The following PCDH11X variants were observed in gnomAD, a reference collection of about 807,000 sequenced individuals.
PCDH11X encodes the protein protocadherin-11 X-linked.
PCDH11X carries 18 observed loss-of-function variants against 53.3 expected under a neutral mutation model. That is an observed-to-expected ratio of 0.34 (90% confidence interval 0.23 to 0.50). The LOEUF is 0.50. Ranked by LOEUF, PCDH11X falls within the 20% of genes least tolerant of loss-of-function variation. PCDH11X has a pLI of 0.98. For synonymous variants in PCDH11X, 279 were observed against 393.3 expected (o/e 0.71, Z 3.44); for missense variants, 570 against 1,032.4 (o/e 0.55, Z 6.14).
chrX:92,519,325 A>G (rs2074328034), intron 10 of PCDH11X, among the ~76,000 whole-genome samples: 1 of 107,270 alleles, frequency 9.3e-6, no homozygotes. Context: ...ACTAGCAAAT[A>G]GACTTCTTTA....
intron 10 of PCDH11X, among the ~76,000 whole-genome samples, chrX:92,602,087 A>G (rs1340790470): frequency 8.9e-6 from 1 of 111,943 alleles, no homozygotes; most frequent in Non-Finnish European, 1.9e-5. Flanking sequence ...ATCTAAAAGA[A>G]GCAGGCTACT....
At chrX:92,149,507 G>GTA (rs1453651889) in intron 6 of PCDH11X, among the ~76,000 whole-genome samples, 1 of 102,520 alleles carries the variant, frequency 9.8e-6, no homozygotes, top group Non-Finnish European at 1.9e-5. Flanking sequence ...ATATATGTAT[G>GTA]TATATATATG....
chrX:91,884,004 A>G, intron 6 of PCDH11X: 2 of 491,355 alleles, frequency 4.1e-6, no homozygotes, highest in Non-Finnish European at 5.0e-6. Context: ...AGTCTGGCCA[A>G]CATGGCGAAA....
intron 4 of PCDH11X, among the ~76,000 whole-genome samples, chrX:91,820,369 T>C (rs1241513811): frequency 1.2e-5 from 1 of 85,678 alleles, no homozygotes; most frequent in South Asian, 5.9e-4. Context: ...CCATTCTAAC[T>C]GGTGTGAGAT....
intron 6 of PCDH11X, among the ~76,000 whole-genome samples, chrX:91,979,131 T>C (rs1196061446): frequency 9.0e-6 from 1 of 110,771 alleles, no homozygotes; most frequent in African/African-American, 3.3e-5. Context: ...ATCATGTTAA[T>C]ATGCTTGTAA....
At chrX:92,437,861 T>C (rs1342723004) in intron 9 of PCDH11X, among the ~76,000 whole-genome samples, 2 of 109,490 alleles carry the variant, frequency 1.8e-5, no homozygotes, top group Admixed American at 2.0e-4. Context: ...GCAGAGAAAA[T>C]AATGAAAAAG....
At chrX:91,823,321 A>G (rs1179714968) in intron 4 of PCDH11X, among the ~76,000 whole-genome samples, 2 of 110,375 alleles carry the variant, frequency 1.8e-5, no homozygotes, top group Non-Finnish European at 3.8e-5. Flanking sequence ...GTCTCTTTGT[A>G]GGTCACTCAG....
At chrX:92,350,097 G>T (rs2070007065) in intron 8 of PCDH11X, among the ~76,000 whole-genome samples, 1 of 110,218 alleles carries the variant, frequency 9.1e-6, no homozygotes, top group African/African-American at 3.3e-5. Context: ...TTTTATTTAC[G>T]CTATCTATTT....
intron 9 of PCDH11X, among the ~76,000 whole-genome samples, chrX:92,456,336 CTG>C (rs1216451515): frequency 2.7e-5 from 3 of 111,362 alleles, no homozygotes; most frequent in African/African-American, 9.8e-5. Flanking sequence ...ATTCTACAAA[CTG>C]TGTAGCAGAA....
intron 8 of PCDH11X, among the ~76,000 whole-genome samples, chrX:92,277,503 G>T (rs76883506): frequency 9.2e-6 from 1 of 108,361 alleles, no homozygotes; most frequent in Non-Finnish European, 1.9e-5. Context: ...AGGGTGGAAG[G>T]TTGCCTATAG....
intron 6 of PCDH11X, among the ~76,000 whole-genome samples, chrX:92,044,402 T>C (rs1302022315): frequency 9.1e-6 from 1 of 109,535 alleles, no homozygotes; most frequent in Non-Finnish European, 1.9e-5. Flanking sequence ...TCTTGCATAT[T>C]TAATGAGCAT....
rs920566771 is a variant in PCDH11X, at chrX:92,377,464, T to C, written c.3145-10271T>C. On this transcript the variant is annotated intron_variant, in intron 8 of 10. Coordinates refer to ENST00000682573, the MANE Select transcript of PCDH11X (RefSeq NM_032968.5). ...TTGTAAATAAAAGCAAAATTTTGTATTATGAAGGCTGTACCAAGCAATAAT... is the reference window on the plus strand; with the variant it reads ...TTGTAAATAAAAGCAAAATTTTGTACTATGAAGGCTGTACCAAGCAATAAT... Among the ~76,000 whole-genome samples, 40 of 111,531 alleles carry C rather than the reference T, an allele frequency of 3.6e-4. 1 individual carries two copies. Among genetic ancestry groups the C allele is most frequent in the African/African-American group, 1.3e-3 (39 of 30,757 alleles).
At chrX:92,607,156 CAAACTTTTACATA>C (rs889154837) in intron 10 of PCDH11X, among the ~76,000 whole-genome samples, 1 of 109,027 alleles carries the variant, frequency 9.2e-6, no homozygotes, top group Non-Finnish European at 1.9e-5. Flanking sequence ...ACCCAGCACA[CAAACTTTTACATA>C]AATGTTAATA....
chrX:92,217,469 A>C (rs1227775361), intron 7 of PCDH11X, among the ~76,000 whole-genome samples: 1 of 98,582 alleles, frequency 1.0e-5, no homozygotes, highest in African/African-American at 3.7e-5. Flanking sequence ...CCATTACATA[A>C]TGGTAAAGGG....
chrX:92,596,122 T>C (rs1925567270), intron 10 of PCDH11X, among the ~76,000 whole-genome samples: 1 of 112,306 alleles, frequency 8.9e-6, no homozygotes, highest in Non-Finnish European at 1.9e-5. Flanking sequence ...TCCCCATCTG[T>C]CTTTCTAACA....
intron 6 of PCDH11X, among the ~76,000 whole-genome samples, chrX:92,069,944 A>C (rs1221017992): frequency 1.8e-5 from 2 of 111,252 alleles, no homozygotes; most frequent in African/African-American, 6.5e-5. Flanking sequence ...GGCCTCCCAA[A>C]GCGCTAGCCA....
At chrX:92,596,311 T>A (rs961940528) in intron 10 of PCDH11X, among the ~76,000 whole-genome samples, 3 of 111,169 alleles carry the variant, frequency 2.7e-5, no homozygotes, top group African/African-American at 9.8e-5. Context: ...GCCAGAGTAG[T>A]CATTGCTGTT....
intron 6 of PCDH11X, among the ~76,000 whole-genome samples, chrX:92,087,974 A>G (rs1373465076): frequency 1.9e-5 from 2 of 106,290 alleles, no homozygotes; most frequent in African/African-American, 6.8e-5. Flanking sequence ...TATAAGAAAT[A>G]TATATAAGAA....
At chrX:92,192,168 G>A (rs2066203581) in intron 6 of PCDH11X, among the ~76,000 whole-genome samples, 1 of 111,298 alleles carries the variant, frequency 9.0e-6, no homozygotes, top group Non-Finnish European at 1.9e-5. Context: ...CAAAAAGGTT[G>A]ATAATTCTTT....
Sources: gnomAD v4.1 joint callset for allele counts (sites outside exome capture counted in the v4.1 genomes callset) on GRCh38, gnomAD v4.1.1 for gene constraint, MANE v1.5 for transcripts, NCBI Gene and HGNC (gene_info 2026-07-23, HGNC 2026-07-21) for gene names.